Variants in LURAP1 observed in about 807,000 individuals in gnomAD.
The protein encoded by LURAP1 is NF-kappa-B activator C1orf190.
A neutral mutation model predicts 19.0 loss-of-function variants in LURAP1; 14 were observed. That is an observed-to-expected ratio of 0.74 (90% CI 0.49 to 1.15). The LOEUF (loss-of-function observed/expected upper bound fraction) is 1.15, where lower values mean the gene tolerates loss of function less well. LURAP1 is among the 50% of genes most tolerant of loss of function. The pLI is 0.00. For synonymous variants in LURAP1, 129 were observed against 131.8 expected, an observed-to-expected ratio of 0.98 and a Z score of 0.14; for missense variants, 273 against 309.1, an observed-to-expected ratio of 0.88 and a Z score of 0.87.
chr1:46,219,913 G>T lies in LURAP1; in HGVS notation c.413G>T (p.Arg138Leu), dbSNP rs202037410. 1 of 1,614,148 alleles carries T rather than the reference G, an allele frequency of 6.2e-7. No homozygotes were observed. Among genetic ancestry groups the T allele is most frequent in the Non-Finnish European group, 8.5e-7 (1 of 1,179,964 alleles). Residue 138 changes from arginine to leucine, a missense_variant, in exon 2 of 2, where the codon CGG becomes CTG. By Grantham distance (102) the Arg-to-Leu change is moderately radical. Coordinates refer to ENST00000371980, the MANE Select transcript of LURAP1 (RefSeq NM_001013615.3). Reference sequence around the variant, plus strand: ...CTGCCAGACACCAGCACCACCGACCGGCTGGACAGTGTCTCTATTGGCAGC... The same window carrying T: ...CTGCCAGACACCAGCACCACCGACCTGCTGGACAGTGTCTCTATTGGCAGC... ...DSLPDTSTTD[R>L]LDSVSIGSFL...
chr1:46,208,976 T>TA (rs1220228011), intron 1 of LURAP1, among the ~76,000 whole-genome samples: 5 of 152,180 alleles, frequency 3.3e-5, no homozygotes, highest in African/African-American at 1.2e-4. Flanking sequence ...AACTCAGACC[T>TA]AAAAAATGCT....
At chr1:46,214,015 A>T (rs1319097296) in intron 1 of LURAP1, among the ~76,000 whole-genome samples, 1 of 152,146 alleles carries the variant, frequency 6.6e-6, no homozygotes, top group Non-Finnish European at 1.5e-5. Flanking sequence ...AAGATGATAG[A>T]CATCTGACCC....
chr1:46,212,966 G>A (rs768809014), intron 1 of LURAP1, among the ~76,000 whole-genome samples: 7 of 151,796 alleles, frequency 4.6e-5, no homozygotes, highest in Non-Finnish European at 7.4e-5. Context: ...GGGTTTCACC[G>A]TGTTAGCCAG....
At chr1:46,207,544 CTTTT>C (rs565434779) in intron 1 of LURAP1, among the ~76,000 whole-genome samples, 13 of 146,540 alleles carry the variant, frequency 8.9e-5, no homozygotes, top group South Asian at 6.4e-4. Context: ...TTCTTTCTTT[CTTTT>C]TTTTTTTTGA....
intron 1 of LURAP1, among the ~76,000 whole-genome samples, chr1:46,213,876 C>T (rs1433160942): frequency 6.6e-6 from 1 of 151,376 alleles, no homozygotes; most frequent in East Asian, 1.9e-4. Flanking sequence ...AAAAAAGATA[C>T]AGACTTTAGA....
rs187503105 is a variant in LURAP1 at position 46,214,959 on chromosome 1, G to A, written c.199-4740G>A. On this transcript the variant is annotated intron_variant, in intron 1 of 1. Transcript: ENST00000371980. ...GAAATAGATGTGACTGGGTGCTGTGGCTCACGCCTGTAATCCCAGCACTTT... is the reference window on the plus strand; with the variant it reads ...GAAATAGATGTGACTGGGTGCTGTGACTCACGCCTGTAATCCCAGCACTTT... Among the ~76,000 whole-genome samples the A allele has an allele frequency of 2.0e-3, 311 of 152,010 alleles. 3 individuals are homozygous for A. The highest frequency in any genetic ancestry group is 7.2e-3 in the African/African-American group (300 of 41,478).
intron 1 of LURAP1, among the ~76,000 whole-genome samples, chr1:46,213,811 C>G (rs145027259): frequency 5.9e-5 from 9 of 151,508 alleles, no homozygotes; most frequent in African/African-American, 2.2e-4. Flanking sequence ...GCCTTGCTTA[C>G]GTTATACTCT....
chr1:46,214,272 G>A (rs1314869048), intron 1 of LURAP1, among the ~76,000 whole-genome samples: 1 of 151,862 alleles, frequency 6.6e-6, no homozygotes, highest in Non-Finnish European at 1.5e-5. Flanking sequence ...CTTGAACCTG[G>A]GAGGTAGAGG....
At chr1:46,214,570 CAA>C (rs754366461) in intron 1 of LURAP1, among the ~76,000 whole-genome samples, 4 of 151,698 alleles carry the variant, frequency 2.6e-5, no homozygotes, top group Admixed American at 1.3e-4. Context: ...AAAGAAAAAC[CAA>C]AGAGTTGATA....
chr1:46,219,954 G>A lies in LURAP1; in HGVS notation c.454G>A (p.Ala152Thr). 6.2e-7 allele frequency: 1 copy of A among 1,614,268 alleles called. No individual in the cohort carries two copies. Among genetic ancestry groups the A allele is most frequent in the South Asian group, 1.1e-5 (1 of 91,090 alleles). The change falls in exon 2 of 2, where the codon GCC (alanine) becomes ACC (threonine). Residue 152 changes from alanine (A) to threonine (T), a missense_variant. Physicochemically the swap from Ala to Thr is moderately conservative, Grantham distance 58 (BLOSUM62 0). Transcript: ENST00000371980. The part of the protein sequence containing the change: ...VSIGSFLDTV[A>T]PSELDEQGPP... ...TATTGGCAGCTTCCTGGACACAGTG[G>A]CCCCCAGCGAGCTGGATGAACAGGG...
chr1:46,217,783 G>A (rs1408754568), intron 1 of LURAP1, among the ~76,000 whole-genome samples: 1 of 152,110 alleles, frequency 6.6e-6, no homozygotes, highest in Non-Finnish European at 1.5e-5. Context: ...CTTGAACCCT[G>A]GAGGCGGAGG....
intron 1 of LURAP1, among the ~76,000 whole-genome samples, chr1:46,214,217 G>T (rs1658989128): frequency 6.6e-6 from 1 of 151,890 alleles, no homozygotes; most frequent in Non-Finnish European, 1.5e-5. Context: ...GTGGTAGCGG[G>T]CACCTGTAAT....
intron 1 of LURAP1, among the ~76,000 whole-genome samples, chr1:46,214,438 C>A (rs12126187): frequency 0.14 from 20,500 of 151,720 alleles, 1,627 homozygotes; most frequent in Admixed American, 0.22. Flanking sequence ...TTAAGCATAT[C>A]CTTAAAGAGA....
At chr1:46,212,235 C>A (rs1297499778) in intron 1 of LURAP1, among the ~76,000 whole-genome samples, 3 of 151,802 alleles carry the variant, frequency 2.0e-5, no homozygotes, top group Non-Finnish European at 4.4e-5. Context: ...CACATAATGA[C>A]GTTTTGGTCA....
intron 1 of LURAP1, among the ~76,000 whole-genome samples, chr1:46,205,350 A>G (rs763888262): frequency 1.3e-5 from 2 of 152,158 alleles, no homozygotes; most frequent in African/African-American, 4.8e-5. Flanking sequence ...AGGGAGTTTA[A>G]TAACTGCCCA....
rs1392967013 is a variant in LURAP1, at chr1:46,221,060, A to G, written c.*840A>G. The G allele has an allele frequency of 6.6e-6, 1 of 152,138 alleles. No homozygotes were observed. The highest frequency in any genetic ancestry group is 6.6e-5 in the Admixed American group (1 of 15,258). The allele number at this position is 152,138 out of a possible 1,614,324, so 9.4% of individuals were successfully genotyped here. A position where few individuals can be genotyped will look rare whatever the true frequency, so the allele number is the denominator to read the frequency against. ...CCTGCCAGGATGGGTAGCCCTTTGTACGGGTCCTTGGATGGTAGTAGGTCA... is the reference window on the plus strand; with the variant it reads ...CCTGCCAGGATGGGTAGCCCTTTGTGCGGGTCCTTGGATGGTAGTAGGTCA... On this transcript the variant is annotated 3_prime_UTR_variant, in exon 2 of 2. Transcript: ENST00000371980.
At chr1:46,216,240 G>A (rs1030265388) in intron 1 of LURAP1, among the ~76,000 whole-genome samples, 5 of 151,802 alleles carry the variant, frequency 3.3e-5, no homozygotes, top group African/African-American at 1.2e-4. Flanking sequence ...TAGAGACGGG[G>A]TTTCACCGTG....
chr1:46,209,699 C>T (rs938303073), intron 1 of LURAP1, among the ~76,000 whole-genome samples: 16 of 151,066 alleles, frequency 1.1e-4, no homozygotes, highest in Admixed American at 2.6e-4. Flanking sequence ...TTAGTAGAGA[C>T]GGGGTTTTGC....
At chr1:46,207,193 G>A (rs969474759) in intron 1 of LURAP1, among the ~76,000 whole-genome samples, 1 of 151,914 alleles carries the variant, frequency 6.6e-6, no homozygotes. Context: ...CGGTTCTCCT[G>A]CCTCAGCTTC....
Sources: allele counts gnomAD v4.1 joint callset (sites outside exome capture counted in the v4.1 genomes callset), GRCh38; gene constraint gnomAD v4.1.1; transcripts MANE v1.5; gene names NCBI Gene and HGNC (gene_info 2026-07-23, HGNC 2026-07-21).